Variants in PRKN observed in about 807,000 individuals in gnomAD.
The protein encoded by PRKN is parkin RBR E3 ubiquitin protein ligase, also known as E3 ubiquitin-protein ligase parkin.
PRKN carries 56 observed loss-of-function variants against 59.5 expected under a neutral mutation model. The observed-to-expected ratio is 0.94, with a 90% confidence interval of 0.76 to 1.18. The LOEUF (loss-of-function observed/expected upper bound fraction) is 1.18, where lower values mean the gene tolerates loss of function less well. Among genes scored for constraint, PRKN ranks in the 50% most tolerant of loss-of-function variants. The pLI is 0.00. For synonymous variants in PRKN, 250 were observed against 222.1 expected, an observed-to-expected ratio of 1.13 and a Z score of -1.12; for missense variants, 657 against 596.4, an observed-to-expected ratio of 1.10 and a Z score of -1.06.
At chr6:162,117,638 C>A (rs1178541089) in intron 4 of PRKN, among the ~76,000 whole-genome samples, 2 of 152,182 alleles carry the variant, frequency 1.3e-5, no homozygotes, top group Admixed American at 1.3e-4. Flanking sequence ...CTTGATTCAT[C>A]CACACTAATG....
chr6:162,163,632 G>T (rs1782853658), intron 4 of PRKN, among the ~76,000 whole-genome samples: 1 of 149,088 alleles, frequency 6.7e-6, no homozygotes, highest in African/African-American at 2.5e-5. Flanking sequence ...GTTTTAAGCA[G>T]AACAATGATC....
chr6:161,819,312 G>A (rs1428870822), intron 6 of PRKN, among the ~76,000 whole-genome samples: 1 of 152,060 alleles, frequency 6.6e-6, no homozygotes, highest in African/African-American at 2.4e-5. Flanking sequence ...ACAACATGGT[G>A]AAACCCTATC....
intron 1 of PRKN, among the ~76,000 whole-genome samples, chr6:162,713,542 G>A (rs12664661): frequency 0.06 from 9,102 of 150,700 alleles, 390 homozygotes; most frequent in Middle Eastern, 0.12. Flanking sequence ...ACAAGGGAGG[G>A]AAGGCAGAAA....
At chr6:161,452,987 A>G (rs57403788) in intron 9 of PRKN, among the ~76,000 whole-genome samples, 18,775 of 152,048 alleles carry the variant, frequency 0.12, 1,385 homozygotes, top group African/African-American at 0.19. Flanking sequence ...AGGTCACGTC[A>G]GGCTTAATAA....
At chr6:162,505,636 A>G (rs1583687002) in intron 1 of PRKN, among the ~76,000 whole-genome samples, 1 of 152,202 alleles carries the variant, frequency 6.6e-6, no homozygotes, top group African/African-American at 2.4e-5. Context: ...TACAATTAAC[A>G]TAAATCTTAA....
intron 1 of PRKN, among the ~76,000 whole-genome samples, chr6:162,680,919 AT>A (rs1370863467): frequency 6.6e-6 from 1 of 152,166 alleles, no homozygotes; most frequent in Admixed American, 6.6e-5. Context: ...AGCAGCCACA[AT>A]GTGATTAATA....
chr6:161,827,761 G>GT (rs1443543044), intron 6 of PRKN, among the ~76,000 whole-genome samples: 2 of 152,074 alleles, frequency 1.3e-5, no homozygotes, highest in African/African-American at 4.8e-5. Flanking sequence ...ACCCACCTTG[G>GT]CCTCCCAAAG....
intron 3 of PRKN, among the ~76,000 whole-genome samples, chr6:162,228,034 A>T (rs1468049241): frequency 3.9e-5 from 6 of 152,146 alleles, no homozygotes; most frequent in Non-Finnish European, 8.8e-5. Context: ...TGCAGACACA[A>T]TGTTTATCGT....
intron 5 of PRKN, among the ~76,000 whole-genome samples, chr6:161,986,450 C>CCCAAGAGA (rs1781438662): frequency 6.6e-6 from 1 of 151,138 alleles, no homozygotes; most frequent in Non-Finnish European, 1.5e-5. Flanking sequence ...TTAAGTAATT[C>CCCAAGAGA]ACTCTGTTCT....
intron 1 of PRKN, among the ~76,000 whole-genome samples, chr6:162,598,535 C>T (rs1781574354): frequency 6.6e-6 from 1 of 151,844 alleles, no homozygotes; most frequent in South Asian, 2.1e-4. Context: ...AATATGAAGC[C>T]TAAGAAGTTC....
chr6:161,626,003 C>A (rs1322857939), intron 7 of PRKN, among the ~76,000 whole-genome samples: 2 of 152,170 alleles, frequency 1.3e-5, no homozygotes, highest in African/African-American at 2.4e-5. Flanking sequence ...TTAAAAGCAG[C>A]AGTTTACATC....
At position 161,426,700 on chromosome 6, in the gene PRKN, G is replaced by A. The variant is rs190480677; in HGVS notation, c.1084-39823C>T. 1.4e-3 allele frequency among the ~76,000 whole-genome samples: 172 copies of A among 124,212 alleles called. 1 individual carries two copies. The South Asian group carries it at 0.017, about 13-fold the overall frequency. The allele number at this position is 124,212 out of a possible 152,430, so 81.5% of individuals were successfully genotyped here. On this transcript the variant is annotated intron_variant, in intron 9 of 11. Transcript: ENST00000366898. ...ACCTCCTATTAGTTCTGTCCCTCTGGAGAACCCTAATATAGTTATTTATTT... is the reference window on the plus strand; with the variant it reads ...ACCTCCTATTAGTTCTGTCCCTCTGAAGAACCCTAATATAGTTATTTATTT...
intron 1 of PRKN, among the ~76,000 whole-genome samples, chr6:162,715,950 C>A (rs537276773): frequency 1.3e-5 from 2 of 152,292 alleles, no homozygotes; most frequent in African/African-American, 4.8e-5. Context: ...GCTGAAGGTT[C>A]CCCTGCTTTA....
At chr6:161,746,317 A>G (rs1438402079) in intron 7 of PRKN, among the ~76,000 whole-genome samples, 1 of 152,000 alleles carries the variant, frequency 6.6e-6, no homozygotes, top group East Asian at 1.9e-4. Flanking sequence ...GACTTCCCAG[A>G]GACCCAGCTG....
At chr6:161,650,714 G>A (rs1294170518) in intron 7 of PRKN, among the ~76,000 whole-genome samples, 1 of 152,184 alleles carries the variant, frequency 6.6e-6, no homozygotes, top group Non-Finnish European at 1.5e-5. Context: ...AGACCTAGGA[G>A]CTTGTGAAGT....
chr6:161,569,956 C>G (rs1024641854), intron 7 of PRKN, among the ~76,000 whole-genome samples: 2 of 151,600 alleles, frequency 1.3e-5, no homozygotes, highest in African/African-American at 4.9e-5. Context: ...TTGTGAAGAC[C>G]TATTAGATCT....
intron 1 of PRKN, among the ~76,000 whole-genome samples, chr6:162,491,561 T>A (rs545445042): frequency 1.3e-5 from 2 of 152,292 alleles, no homozygotes; most frequent in South Asian, 4.1e-4. Flanking sequence ...TCCGCCTTCA[T>A]ATGCCTCATA....
At chr6:161,972,497 C>A (rs1043298388) in intron 6 of PRKN, among the ~76,000 whole-genome samples, 1 of 152,106 alleles carries the variant, frequency 6.6e-6, no homozygotes, top group Non-Finnish European at 1.5e-5. Context: ...CACCGCAATT[C>A]GTATTGAGTC....
chr6:162,221,338 A>C (rs919597865), intron 3 of PRKN, among the ~76,000 whole-genome samples: 14 of 152,304 alleles, frequency 9.2e-5, no homozygotes, highest in African/African-American at 2.9e-4. Flanking sequence ...TTTGTCACTG[A>C]GTATATGTGT....
Sources: allele counts gnomAD v4.1 joint callset (sites outside exome capture counted in the v4.1 genomes callset), GRCh38; gene constraint gnomAD v4.1.1; transcripts MANE v1.5; gene names NCBI Gene and HGNC (gene_info 2026-07-23, HGNC 2026-07-21).